Variants in ZNF385B observed in about 807,000 individuals in gnomAD.
ZNF385B encodes zinc finger protein 385B.
A neutral mutation model predicts 39.2 loss-of-function variants in ZNF385B; 23 were observed. The ratio of observed to expected loss-of-function variants is 0.59; its 90% CI spans 0.42 to 0.83. The LOEUF is 0.83. Ranked by LOEUF, ZNF385B falls within the 40% of genes least tolerant of loss-of-function variation. The pLI is 0.00. For synonymous variants in ZNF385B, 205 were observed against 222.6 expected (o/e 0.92, Z 0.70); for missense variants, 552 against 598.9 (o/e 0.92, Z 0.82).
At chr2:179,659,719 A>T (rs1362991525) in intron 3 of ZNF385B, among the ~76,000 whole-genome samples, 1 of 152,214 alleles carries the variant, frequency 6.6e-6, no homozygotes, top group African/African-American at 2.4e-5. Context: ...TTAACAACAT[A>T]TAGACGTCCA....
chr2:179,536,659 C>A (rs1179540767), intron 4 of ZNF385B, among the ~76,000 whole-genome samples: 1 of 152,078 alleles, frequency 6.6e-6, no homozygotes, highest in African/African-American at 2.4e-5. Context: ...GTGAATTATA[C>A]AAGAGGAAGC....
In ZNF385B at chr2:179,446,716, C is replaced by T; in HGVS notation, c.770G>A (p.Ser257Asn). 1 of 1,614,082 alleles carries T rather than the reference C, an allele frequency of 6.2e-7. No homozygotes were observed. The highest frequency in any genetic ancestry group is 1.1e-5 in the South Asian group (1 of 91,052). The change falls in exon 7 of 10, where the codon AGT becomes AAT. Residue 257 changes from serine to asparagine, a missense_variant. Physicochemically the swap from Ser to Asn is conservative, Grantham distance 46. Coordinates refer to ENST00000410066, the MANE Select transcript of ZNF385B (RefSeq NM_152520.6). ...SSSSQPSSSE[S>N]GSFLLKSGTT... is the part of the protein sequence containing the mutation. Reference sequence around the variant, plus strand: ...GCCAGATTTGAGGAGAAATGAGCCACTTTCAGAGCTTGATGGCTGACTGGA... The same window carrying T: ...GCCAGATTTGAGGAGAAATGAGCCATTTTCAGAGCTTGATGGCTGACTGGA...
At chr2:179,565,427 T>C (rs1435943503) in intron 3 of ZNF385B, among the ~76,000 whole-genome samples, 1 of 152,212 alleles carries the variant, frequency 6.6e-6, no homozygotes, top group Non-Finnish European at 1.5e-5. Flanking sequence ...ATTATTACCA[T>C]CACCACAGAA....
rs577182485 is a variant in ZNF385B at position 179,841,445 on chromosome 2, C to T, written c.-155+19656G>A. ...TAAGAACAAAAGGAACCTGTGCCTA[C>T]CCAGCAAGACAGAGCTCTGGGAAGA... On this transcript the variant is annotated intron_variant, in intron 1 of 9. Transcript: ENST00000410066. Among the ~76,000 whole-genome samples the T allele has an allele frequency of 2.0e-5, 3 of 152,286 alleles. No homozygotes were observed. The South Asian group carries it at 6.2e-4, about 32-fold the overall frequency.
At chr2:179,443,937 T>A (rs190709270) in intron 9 of ZNF385B, among the ~76,000 whole-genome samples, 12 of 152,210 alleles carry the variant, frequency 7.9e-5, no homozygotes, top group African/African-American at 2.9e-4. Context: ...CCCTGAAGAG[T>A]CAAGAAAACA....
At chr2:179,811,237 C>T (rs763065385) in intron 1 of ZNF385B, among the ~76,000 whole-genome samples, 1 of 152,036 alleles carries the variant, frequency 6.6e-6, no homozygotes, top group Non-Finnish European at 1.5e-5. Flanking sequence ...TCACCCAAAA[C>T]AATCTGCAGA....
chr2:179,478,410 T>C (rs2053652116), intron 6 of ZNF385B, among the ~76,000 whole-genome samples: 1 of 152,198 alleles, frequency 6.6e-6, no homozygotes, highest in Non-Finnish European at 1.5e-5. Context: ...GAACAAACAA[T>C]GGATACTAAT....
chr2:179,776,498 T>C lies in ZNF385B; in HGVS notation c.-154-5826A>G, dbSNP rs115152985. Among the ~76,000 whole-genome samples the C allele has an allele frequency of 6.2e-3, 942 of 152,286 alleles. 13 individuals carry two copies. Among genetic ancestry groups the C allele is most frequent in the African/African-American group, 0.022 (897 of 41,556 alleles). On this transcript the variant is annotated intron_variant, in intron 1 of 9. Transcript: ENST00000410066. ...GAACCCCCATATCTATTTACAATTG[T>C]TGAATTATCCTCTTGTATAACATCC...
intron 3 of ZNF385B, among the ~76,000 whole-genome samples, chr2:179,666,128 C>T (rs1400234030): frequency 6.6e-6 from 1 of 152,002 alleles, no homozygotes; most frequent in African/African-American, 2.4e-5. Flanking sequence ...GAGATGAAAG[C>T]CCAAAAAGAT....
At chr2:179,483,489 G>A in intron 5 of ZNF385B, 55 bp from the exon 6 acceptor site, 4 of 1,604,096 alleles carry the variant, frequency 2.5e-6, no homozygotes, top group Non-Finnish European at 2.6e-6. Flanking sequence ...ACACCACAGT[G>A]GATGATCATG....
chr2:179,854,244 G>A lies in ZNF385B; in HGVS notation c.-155+6857C>T, dbSNP rs114299779. On this transcript the variant is annotated intron_variant, in intron 1 of 9. Transcript: ENST00000410066. ...ATTTCTCTGTGAAGTTTAAATGCTA[G>A]TGTTAATGCCAGAAGTTTTCTACTC... Among the ~76,000 whole-genome samples the A allele has an allele frequency of 7.7e-3, 1,179 of 152,222 alleles. 11 individuals carry two copies. The highest frequency in any genetic ancestry group is 0.027 in the African/African-American group (1,109 of 41,552).
intron 5 of ZNF385B, among the ~76,000 whole-genome samples, chr2:179,493,604 T>C (rs1233463974): frequency 1.9e-5 from 2 of 106,976 alleles, no homozygotes; most frequent in Non-Finnish European, 4.1e-5. Flanking sequence ...TGCGTATACA[T>C]ATATGTACGT....
chr2:179,507,984 A>G (rs999570368), intron 5 of ZNF385B, among the ~76,000 whole-genome samples: 2 of 152,184 alleles, frequency 1.3e-5, no homozygotes, highest in African/African-American at 2.4e-5. Flanking sequence ...CGCTTCATTT[A>G]AAGAGCGCTT....
intron 3 of ZNF385B, among the ~76,000 whole-genome samples, chr2:179,734,770 T>C (rs1250674154): frequency 1.3e-5 from 2 of 152,174 alleles, no homozygotes; most frequent in South Asian, 2.1e-4. Context: ...TAATAGAATA[T>C]GTATACTGCC....
chr2:179,714,465 A>T (rs2106390756), intron 3 of ZNF385B, among the ~76,000 whole-genome samples: 1 of 152,256 alleles, frequency 6.6e-6, no homozygotes, highest in Non-Finnish European at 1.5e-5. Context: ...CTCCTTAACA[A>T]AGGAGATAGG....
At chr2:179,778,133 T>C (rs995140852) in intron 1 of ZNF385B, among the ~76,000 whole-genome samples, 1 of 152,208 alleles carries the variant, frequency 6.6e-6, no homozygotes, top group Non-Finnish European at 1.5e-5. Context: ...GTATACGGTA[T>C]ACCTCTAGCT....
In ZNF385B at chr2:179,834,839, T is replaced by C. The variant is rs149273416; in HGVS notation, c.-155+26262A>G. On this transcript the variant is annotated intron_variant, in intron 1 of 9. Coordinates refer to ENST00000410066, the MANE Select transcript of ZNF385B (RefSeq NM_152520.6). The stretch of plus-strand genomic sequence containing the variant: ...TAACATCATAAGCCTCCTGGTATTA[T>C]ATACTATGAAGGACACAACAACGCC... Among the ~76,000 whole-genome samples, 811 of 152,340 alleles carry C rather than the reference T, an allele frequency of 5.3e-3. 10 individuals are homozygous for C. The highest frequency in any genetic ancestry group is 0.018 in the African/African-American group (763 of 41,566).
chr2:179,762,182 T>C (rs1231080747), intron 3 of ZNF385B, among the ~76,000 whole-genome samples: 2 of 151,988 alleles, frequency 1.3e-5, no homozygotes, highest in African/African-American at 4.8e-5. Context: ...ATATGGTAGA[T>C]TTTTTTGTTT....
At chr2:179,614,216 G>GT (rs994100165) in intron 3 of ZNF385B, among the ~76,000 whole-genome samples, 22 of 152,128 alleles carry the variant, frequency 1.4e-4, no homozygotes, top group Admixed American at 1.4e-3. Context: ...TTATGAAGGT[G>GT]TTTTTTGTGT....
Sources: allele counts gnomAD v4.1 joint callset (sites outside exome capture counted in the v4.1 genomes callset), GRCh38; gene constraint gnomAD v4.1.1; transcripts MANE v1.5; gene names NCBI Gene and HGNC (gene_info 2026-07-23, HGNC 2026-07-21).